The following SLC45A4 variants were observed in gnomAD, a reference collection of about 807,000 sequenced individuals.
SLC45A4 encodes the protein polyamine-transporter SLC45A4.
A neutral mutation model predicts 63.7 loss-of-function variants in SLC45A4; 32 were observed. That is an observed-to-expected ratio of 0.50 (90% CI 0.38 to 0.67). The LOEUF is 0.67. SLC45A4 is among the 30% of genes least tolerant of loss of function. SLC45A4 has a pLI of 0.00. For missense variants in SLC45A4, 1,027 were observed against 1,157.7 expected, an observed-to-expected ratio of 0.89 and a Z score of 1.64; for synonymous variants, 535 against 510.0, an observed-to-expected ratio of 1.05 and a Z score of -0.66.
At chr8:141,230,905 C>G (rs556533276) in intron 2 of SLC45A4, among the ~76,000 whole-genome samples, 1 of 152,198 alleles carries the variant, frequency 6.6e-6, no homozygotes, top group Admixed American at 6.5e-5. Context: ...CTGCCCCACC[C>G]GGGGATCCAG....
At chr8:141,280,129 A>G (rs1182803473) in intron 1 of SLC45A4, among the ~76,000 whole-genome samples, 1 of 151,892 alleles carries the variant, frequency 6.6e-6, no homozygotes, top group Non-Finnish European at 1.5e-5. Context: ...CCCGTGTCAC[A>G]CTCCACATGC....
intron 2 of SLC45A4, chr8:141,225,062 GA>G (rs1826888994): frequency 6.6e-6 from 1 of 152,150 alleles, no homozygotes; most frequent in African/African-American, 2.4e-5. Flanking sequence ...TCTCCATTCT[GA>G]GCATGTTTTC....
chr8:141,234,976 C>T (rs371741069), intron 2 of SLC45A4, among the ~76,000 whole-genome samples: 23 of 152,350 alleles, frequency 1.5e-4, no homozygotes, highest in African/African-American at 5.3e-4. Context: ...TCCCCGAGGA[C>T]AGGAATGCGC....
Position 141,211,487 on chromosome 8 carries a change from T to A in SLC45A4, c.*85A>T, listed in dbSNP as rs1168278629. 1 of 1,606,068 alleles carries A rather than the reference T, an allele frequency of 6.2e-7. No homozygotes were observed. On this transcript the variant is annotated 3_prime_UTR_variant, in exon 9 of 9. Transcript: ENST00000517878. ...CCCCCGGACCAGCCTCCTCCCAGCT[T>A]TGGTGTGCGGTCGCTGCCCAAGGAC...
chr8:141,271,922 G>C (rs765998306), intron 1 of SLC45A4, among the ~76,000 whole-genome samples: 1 of 151,632 alleles, frequency 6.6e-6, no homozygotes, highest in Non-Finnish European at 1.5e-5. Context: ...TCACACGTGT[G>C]CAACACACAC....
chr8:141,227,129 T>G lies in SLC45A4; in HGVS notation c.242-5364A>C, dbSNP rs1296722570. Among the ~76,000 whole-genome samples the G allele has an allele frequency of 2.0e-5, 3 of 152,170 alleles. No homozygotes were observed. The highest frequency in any genetic ancestry group is 6.5e-5 in the Admixed American group (1 of 15,284). On this transcript the variant is annotated intron_variant, in intron 2 of 8. Transcript: ENST00000517878. This position sits in a 1 kb window ranked among gnomAD's most constrained non-coding sequence, Gnocchi z 4.4. ...ACAACGCTGGGCCCAGTAAATAAGTTTTGTTTTTTCCCAGGGAAAAGTTGA... is the reference window on the plus strand; with the variant it reads ...ACAACGCTGGGCCCAGTAAATAAGTGTTGTTTTTTCCCAGGGAAAAGTTGA...
chr8:141,228,571 A>G (rs1183739709), intron 2 of SLC45A4: 2 of 1,209,234 alleles, frequency 1.7e-6, no homozygotes, highest in Non-Finnish European at 2.1e-6. Context: ...TCTCTGCCCT[A>G]TCAGCACAGC....
chr8:141,279,688 C>T (rs76040527), intron 1 of SLC45A4, among the ~76,000 whole-genome samples: 7,809 of 152,324 alleles, frequency 0.051, 225 homozygotes, highest in Middle Eastern at 0.095. Flanking sequence ...GCACACGCCC[C>T]GCGCTGGCCG....
chr8:141,256,859 C>CT lies in SLC45A4; in HGVS notation c.-400-2231dup, dbSNP rs71504829. 0.078 allele frequency: 23,817 copies of CT among 305,298 alleles called. 1,798 individuals are homozygous for CT. Among genetic ancestry groups the CT allele is most frequent in the African/African-American group, 0.29 (13,064 of 44,642 alleles). 18.9% of individuals were successfully genotyped at this position (305,298 alleles called of 1,614,324 possible). A position where few individuals can be genotyped will look rare whatever the true frequency, so the allele number is the denominator to read the frequency against. On this transcript the variant is annotated intron_variant, in intron 1 of 8. Coordinates refer to ENST00000517878, the MANE Select transcript of SLC45A4 (RefSeq NM_001286646.2). This position sits in a 1 kb window ranked among gnomAD's most constrained non-coding sequence, Gnocchi z 4.3. Reference sequence around the variant, plus strand: ...TTTTTCAAAAAACTGTGTAATGAAACTTTTTTTTTTTTTTGAGACAGTCTC... The same window carrying CT: ...TTTTTCAAAAAACTGTGTAATGAAACTTTTTTTTTTTTTTTGAGACAGTCTC...
chr8:141,270,102 T>C (rs1829455994), intron 1 of SLC45A4, among the ~76,000 whole-genome samples: 1 of 152,000 alleles, frequency 6.6e-6, no homozygotes, highest in Non-Finnish European at 1.5e-5. Flanking sequence ...CCACAGACCC[T>C]GAGGGCACAG....
At chr8:141,223,221 T>C (rs750106545) in intron 2 of SLC45A4, among the ~76,000 whole-genome samples, 3 of 152,152 alleles carry the variant, frequency 2.0e-5, no homozygotes, top group Non-Finnish European at 2.9e-5. Flanking sequence ...TGCACACAAC[T>C]TCAGGAAGGG....
intron 2 of SLC45A4, among the ~76,000 whole-genome samples, chr8:141,240,788 T>C (rs985907632): frequency 6.6e-6 from 1 of 152,180 alleles, no homozygotes; most frequent in Non-Finnish European, 1.5e-5. Context: ...CCCGACACTG[T>C]GATTGGATCC....
intron 1 of SLC45A4, among the ~76,000 whole-genome samples, chr8:141,284,234 A>AAGGAC (rs1830060667): frequency 6.6e-6 from 1 of 152,180 alleles, no homozygotes; most frequent in Non-Finnish European, 1.5e-5. Flanking sequence ...GGGATGTAAG[A>AAGGAC]AGGACAGCCC....
At chr8:141,286,453 C>A (rs890659734) in intron 1 of SLC45A4, among the ~76,000 whole-genome samples, 4 of 152,206 alleles carry the variant, frequency 2.6e-5, no homozygotes, top group Admixed American at 6.5e-5. Context: ...CCTTTCGGGG[C>A]ACCCTTTACC....
intron 2 of SLC45A4, among the ~76,000 whole-genome samples, chr8:141,232,553 G>A (rs1405311751): frequency 6.6e-6 from 1 of 152,088 alleles, no homozygotes; most frequent in Non-Finnish European, 1.5e-5. Flanking sequence ...GAGCTGCAAC[G>A]TGAACACACA....
chr8:141,219,909 G>C (rs1826496001), intron 3 of SLC45A4, 80 bp from the exon 4 acceptor site: 5 of 1,364,878 alleles, frequency 3.7e-6, no homozygotes, highest in African/African-American at 1.5e-5. Context: ...CCACATGGAA[G>C]GGGCATGCGG....
chr8:141,274,794 G>A lies in SLC45A4; in HGVS notation c.-400-20165C>T, dbSNP rs547280416. On this transcript the variant is annotated intron_variant, in intron 1 of 8. Transcript: ENST00000517878. ...GGCATGGCTGAGCCACTAAAAACAT[G>A]GGCTAAGGTGACACTTTTAACAGTA... Among the ~76,000 whole-genome samples the A allele has an allele frequency of 8.5e-5, 13 of 152,290 alleles. No individual in the cohort carries two copies. In the South Asian group the frequency reaches 2.3e-3, roughly 27 times the overall value.
chr8:141,284,059 C>T (rs1830053800), intron 1 of SLC45A4, among the ~76,000 whole-genome samples: 2 of 152,194 alleles, frequency 1.3e-5, no homozygotes, highest in Admixed American at 1.3e-4. Context: ...ATATTTTCTC[C>T]ACTGGCTTTC....
intron 2 of SLC45A4, among the ~76,000 whole-genome samples, chr8:141,242,026 G>A (rs1033765447): frequency 6.6e-6 from 1 of 152,238 alleles, no homozygotes; most frequent in African/African-American, 2.4e-5. Context: ...AAAAGAGCAG[G>A]CAGCCCTCCT....
Sources: gnomAD v4.1 joint callset for allele counts (sites outside exome capture counted in the v4.1 genomes callset) on GRCh38, gnomAD v4.1.1 for gene constraint, Gnocchi (gnomAD v3.1) non-coding constraint, MANE v1.5 for transcripts, NCBI Gene and HGNC (gene_info 2026-07-23, HGNC 2026-07-21) for gene names.